The following ANKRD34B variants were observed in gnomAD, a reference collection of about 807,000 sequenced individuals.
The protein encoded by ANKRD34B is ankyrin repeat domain 34B, also known as ankyrin repeat domain-containing protein 34B.
A neutral mutation model predicts 4.4 loss-of-function variants in ANKRD34B; 2 were observed. That is an observed-to-expected ratio of 0.46 (90% CI 0.19 to 1.44). ANKRD34B has a LOEUF of 1.44. Ranked by LOEUF, ANKRD34B falls within the 40% of genes most tolerant of loss-of-function variation. The pLI is 0.26. For synonymous variants in ANKRD34B, 226 were observed against 227.1 expected (o/e 0.99, Z 0.05); for missense variants, 558 against 604.7 (o/e 0.92, Z 0.81).
At chr5:80,564,174 T>A (rs72765511) in intron 3 of ANKRD34B, among the ~76,000 whole-genome samples, 9,723 of 152,248 alleles carry the variant, frequency 0.064, 343 homozygotes, top group South Asian at 0.12. Context: ...AACATTTTTT[T>A]AAATATTTTA....
intron 4 of ANKRD34B, among the ~76,000 whole-genome samples, chr5:80,562,574 C>A (rs1746436858): frequency 6.6e-6 from 1 of 152,194 alleles, no homozygotes; most frequent in South Asian, 2.1e-4. Context: ...GGCAGCCACG[C>A]CCTCAGCCCT....
rs1351479827 is a variant in ANKRD34B, at chr5:80,559,605, TAAG to T, written c.412_414del (p.Leu138del). The T allele has an allele frequency of 2.5e-6, 4 of 1,614,210 alleles. No homozygotes were observed. The highest frequency in any genetic ancestry group is 3.4e-6 in the Non-Finnish European group (4 of 1,180,036). On this transcript the variant is annotated inframe_deletion, in exon 5 of 5. Coordinates refer to ENST00000338682, the MANE Select transcript of ANKRD34B (RefSeq NM_001004441.3). ...TCTTTCCCTTTTGCCTTGCAAGCACTAAGAAGAACTTTCAGGGTCTCTGTATCT... is the reference window on the plus strand; with the variant it reads ...TCTTTCCCTTTTGCCTTGCAAGCACTAAGAACTTTCAGGGTCTCTGTATCT...
At chr5:80,560,065 A>G in intron 4 of ANKRD34B, 23 bp from the exon 5 acceptor site, 1 of 1,391,570 alleles carries the variant, frequency 7.2e-7, no homozygotes, top group Non-Finnish European at 9.8e-7. Flanking sequence ...GATGGCAAAG[A>G]CCAAAAGATT....
rs1425281652 is a variant in ANKRD34B, at chr5:80,559,986, T to G, written c.34A>C (p.Asn12His). 6.3e-7 allele frequency: 1 copy of G among 1,595,746 alleles called. No individual in the cohort carries two copies. Among genetic ancestry groups the G allele is most frequent in the East Asian group, 2.2e-5 (1 of 44,664 alleles). Residue 12 changes from asparagine (N) to histidine (H), a missense_variant, in exon 5 of 5, where the codon AAT becomes CAT. Asn to His is a moderately conservative substitution (Grantham distance 68, BLOSUM62 1). Transcript: ENST00000338682. ...DEGMEISSEG[N>H]SLIKAVHQSR... ...TGATGGACTGCTTTGATCAAGGAAT[T>G]TCCTTCACTTGAAATTTCCATACCT...
chr5:80,558,915 A>G lies in ANKRD34B; in HGVS notation c.1105T>C (p.Tyr369His). The G allele has an allele frequency of 1.2e-6, 2 of 1,614,208 alleles. No homozygotes were observed. The highest frequency in any genetic ancestry group is 1.7e-6 in the Non-Finnish European group (2 of 1,180,040). Residue 369 changes from tyrosine to histidine, a missense_variant, in exon 5 of 5, where the codon TAC becomes CAC. By Grantham distance (83) the Tyr-to-His change is moderately conservative. Transcript: ENST00000338682. ...GCTGAGAGCTGGGAATCAGAGCTGT[A>G]GTGATTTGCCCCCAAGTTTCTTTTT... The part of the protein sequence containing the change: ...VQKRNLGANH[Y>H]SSDSQLSAGL...
At chr5:80,563,646 A>G (rs531566201) in intron 4 of ANKRD34B, 89 bp downstream of exon 4, 1 of 152,338 alleles carries the variant, frequency 6.6e-6, no homozygotes, top group African/African-American at 2.4e-5. Flanking sequence ...TACTCAATAT[A>G]TACATACATA....
intron 3 of ANKRD34B, 116 bp from the exon 4 acceptor site, chr5:80,563,931 A>C (rs1746484499): frequency 6.6e-6 from 1 of 152,220 alleles, no homozygotes; most frequent in Non-Finnish European, 1.5e-5. Flanking sequence ...GGAATGTAAT[A>C]TCAAATATAG....
Position 80,558,735 on chromosome 5 carries a change from T to C in ANKRD34B, c.1285A>G (p.Arg429Gly), listed in dbSNP as rs749583795. 6.2e-7 allele frequency: 1 copy of C among 1,614,186 alleles called. No homozygotes were observed. The highest frequency in any genetic ancestry group is 8.5e-7 in the Non-Finnish European group (1 of 1,180,042). The change falls in exon 5 of 5, where the codon AGG becomes GGG. Residue 429 changes from arginine (R) to glycine (G), a missense_variant. Physicochemically the swap from Arg to Gly is moderately radical, Grantham distance 125 (BLOSUM62 -2). Transcript: ENST00000338682. ...LSRRNHAVLE[R>G]RGSGAFPLDH... is the part of the protein sequence containing the mutation. Reference sequence around the variant, plus strand: ...AAAGGGAAAGCTCCTGAACCTCGCCTTTCTAAAACTGCATGATTTCTCCTG... The same window carrying C: ...AAAGGGAAAGCTCCTGAACCTCGCCCTTCTAAAACTGCATGATTTCTCCTG...
chr5:80,562,415 A>G (rs79048976), intron 4 of ANKRD34B, among the ~76,000 whole-genome samples: 3,473 of 152,208 alleles, frequency 0.023, 134 homozygotes, highest in African/African-American at 0.079. Context: ...CTAGAGGTTT[A>G]TTCTCAGGAA....
chr5:80,565,599 T>C (rs1245147310), intron 3 of ANKRD34B, among the ~76,000 whole-genome samples: 2 of 152,244 alleles, frequency 1.3e-5, no homozygotes, highest in Admixed American at 6.5e-5. Context: ...GATGTGGTAA[T>C]GAAATCAGAC....
At chr5:80,561,355 ATTGTT>A (rs1456262043) in intron 4 of ANKRD34B, among the ~76,000 whole-genome samples, 1 of 152,136 alleles carries the variant, frequency 6.6e-6, no homozygotes, top group Non-Finnish European at 1.5e-5. Flanking sequence ...ACTGAAAACT[ATTGTT>A]TATTCTACCT....
At chr5:80,568,254 CA>C (rs1250664759) in intron 2 of ANKRD34B, among the ~76,000 whole-genome samples, 8 of 152,220 alleles carry the variant, frequency 5.3e-5, no homozygotes, top group Non-Finnish European at 1.5e-5. Context: ...AAATCTGAGG[CA>C]AACTCTTCAT....
chr5:80,565,588 G>A (rs1746541113), intron 3 of ANKRD34B, among the ~76,000 whole-genome samples: 1 of 152,198 alleles, frequency 6.6e-6, no homozygotes. Flanking sequence ...CATTCCATGG[G>A]GATGTGGTAA....
rs1356880071 is a variant in ANKRD34B at position 80,558,517 on chromosome 5, T to C, written c.1503A>G (p.Gln501=). The change falls in exon 5 of 5, where the codon CAA becomes CAG. Residue 501 remains glutamine, a synonymous_variant. Transcript: ENST00000338682. The part of the protein sequence containing the change: ...FKSKKMLLRR[Q]SLQTEQIKQL... ...GCTTAATTTGTTCAGTTTGCAATGA[T>C]TGTCTCCTTAACAACATTTTCTTAC... 1.2e-6 allele frequency: 2 copies of C among 1,613,906 alleles called. No homozygotes were observed. The highest frequency in any genetic ancestry group is 1.1e-5 in the South Asian group (1 of 91,060).
Position 80,558,843 on chromosome 5 carries a change from TTCCTATAAG to T in ANKRD34B, c.1168_1176del (p.Leu390_Gly392del), listed in dbSNP as rs772078427. The T allele has an allele frequency of 5.6e-6, 9 of 1,613,830 alleles. No individual in the cohort carries two copies. The highest frequency in any genetic ancestry group is 7.6e-6 in the Non-Finnish European group (9 of 1,180,008). On this transcript the variant is annotated inframe_deletion, in exon 5 of 5. Transcript: ENST00000338682. Reference sequence around the variant, plus strand: ...GGAGATGGTGAGAGGATCTTTTTCTTTCCTATAAGTGCTTTGCCGTCTTCTGAAGTTGGA... The same window carrying T: ...GGAGATGGTGAGAGGATCTTTTTCTTTGCTTTGCCGTCTTCTGAAGTTGGA...
intron 1 of ANKRD34B, among the ~76,000 whole-genome samples, chr5:80,569,376 T>G (rs1746684757): frequency 6.6e-6 from 1 of 152,178 alleles, no homozygotes; most frequent in East Asian, 1.9e-4. Context: ...GGCGCACCTC[T>G]GCACCCGGCT....
chr5:80,558,986 T>A lies in ANKRD34B; in HGVS notation c.1034A>T (p.Asp345Val), dbSNP rs1746334111. The change falls in exon 5 of 5, where the codon GAT becomes GTT. Residue 345 changes from aspartate (D) to valine (V), a missense_variant. Asp to Val is a radical substitution (Grantham distance 152). Transcript: ENST00000338682. ...GGAAGCAAATATTGTCTGGTTAGAA[T>A]CTGGGTCCTGGTCAACAGGGACTTC... The part of the protein sequence containing the change: ...CIEVPVDQDP[D>V]SNQTIFASTL... 1 of 1,614,104 alleles carries A rather than the reference T, an allele frequency of 6.2e-7. No individual in the cohort carries two copies. Among genetic ancestry groups the A allele is most frequent in the Non-Finnish European group, 8.5e-7 (1 of 1,180,052 alleles).
rs2112706784 is a variant in ANKRD34B, at chr5:80,559,500, T to C, written c.520A>G (p.Ile174Val). 6.2e-7 allele frequency: 1 copy of C among 1,614,226 alleles called. No homozygotes were observed. Among genetic ancestry groups the C allele is most frequent in the South Asian group, 1.1e-5 (1 of 91,088 alleles). The part of the protein sequence containing the change: ...KQYLNMPPVD[I>V]DGCHSPATCT... ...GTAGCTGGGGAATGACACCCATCTA[T>C]ATCCACAGGAGGCATATTTAAGTAT... Residue 174 changes from isoleucine to valine, a missense_variant, in exon 5 of 5, where the codon ATA (isoleucine) becomes GTA (valine). Transcript: ENST00000338682.
At position 80,557,437 on chromosome 5, in the gene ANKRD34B, C is replaced by T. The variant is rs989226396; in HGVS notation, c.*1038G>A. The T allele has an allele frequency of 1.3e-5, 2 of 151,838 alleles. No individual in the cohort carries two copies. The highest frequency in any genetic ancestry group is 2.9e-5 in the Non-Finnish European group (2 of 67,938). 9.4% of individuals were successfully genotyped at this position (151,838 alleles called of 1,614,324 possible). ...GTTTAATATTGCCAAATATTTAGTA[C>T]ATTTTGTGATTAAGTTTCTACTGCC... On this transcript the variant is annotated 3_prime_UTR_variant, in exon 5 of 5. Coordinates refer to ENST00000338682, the MANE Select transcript of ANKRD34B (RefSeq NM_001004441.3).
Sources: allele counts gnomAD v4.1 joint callset (sites outside exome capture counted in the v4.1 genomes callset), GRCh38; gene constraint gnomAD v4.1.1; transcripts MANE v1.5; gene names NCBI Gene and HGNC (gene_info 2026-07-23, HGNC 2026-07-21).